The following ZNF532 variants were observed in gnomAD, a reference collection of about 807,000 sequenced individuals.
The protein encoded by ZNF532 is zinc finger protein 532.
In ZNF532, 22 loss-of-function variants were observed where a neutral mutation model predicts 89.3. That is an observed-to-expected ratio of 0.25 (90% CI 0.18 to 0.35). The LOEUF (loss-of-function observed/expected upper bound fraction) is 0.35, where lower values mean the gene tolerates loss of function less well. Ranked by LOEUF, ZNF532 falls within the 10% of genes least tolerant of loss-of-function variation. ZNF532 has a pLI of 1.00. For synonymous variants in ZNF532, 606 were observed against 649.6 expected (o/e 0.93, Z 1.02); for missense variants, 1,132 against 1,643.4 (o/e 0.69, Z 5.38).
rs866584562 is a variant in ZNF532, at chr18:58,890,289, C to T, written c.-18+24710C>T. On this transcript the variant is annotated intron_variant, in intron 2 of 9. Coordinates refer to ENST00000591808, the MANE Select transcript of ZNF532 (RefSeq NM_001375912.1). The stretch of plus-strand genomic sequence containing the variant: ...ACACACATACATATATATATATACA[C>T]GTATATATATAACTCTTAAGTAAAA... 8.6e-5 allele frequency among the ~76,000 whole-genome samples: 13 copies of T among 151,418 alleles called. No homozygotes were observed. In the East Asian group the frequency reaches 1.2e-3, roughly 14 times the overall value.
At chr18:58,868,485 C>G (rs2056682367) in intron 2 of ZNF532, among the ~76,000 whole-genome samples, 1 of 152,172 alleles carries the variant, frequency 6.6e-6, no homozygotes, top group Non-Finnish European at 1.5e-5. Flanking sequence ...TGTAGTCAGC[C>G]TCTCCTACCC....
At chr18:58,884,288 G>C (rs951446024) in intron 2 of ZNF532, among the ~76,000 whole-genome samples, 1 of 152,262 alleles carries the variant, frequency 6.6e-6, no homozygotes, top group African/African-American at 2.4e-5. Flanking sequence ...GGCTGAGGCA[G>C]GAGAAGCGCT....
At chr18:58,961,419 G>A (rs1036292504) in intron 7 of ZNF532, among the ~76,000 whole-genome samples, 4 of 152,140 alleles carry the variant, frequency 2.6e-5, no homozygotes, top group African/African-American at 9.7e-5. Flanking sequence ...AGTGATCAAG[G>A]CTGTTTCTTT....
chr18:58,952,428 A>AG (rs1491430782), intron 6 of ZNF532, among the ~76,000 whole-genome samples: 7 of 152,164 alleles, frequency 4.6e-5, no homozygotes, highest in African/African-American at 1.7e-4. Flanking sequence ...TTTTTGAGAC[A>AG]GGGTCTTGCT....
At chr18:58,882,225 C>T (rs1001152923) in intron 2 of ZNF532, among the ~76,000 whole-genome samples, 2 of 152,176 alleles carry the variant, frequency 1.3e-5, no homozygotes, top group Non-Finnish European at 2.9e-5. Flanking sequence ...TAGGTGGAGT[C>T]TCTTTAGAAA....
chr18:58,906,549 C>T (rs1189554983), intron 2 of ZNF532, among the ~76,000 whole-genome samples: 1 of 152,138 alleles, frequency 6.6e-6, no homozygotes, highest in African/African-American at 2.4e-5. Flanking sequence ...GCCCTGGCTT[C>T]GTTCAGTGGA....
At chr18:58,879,549 C>G (rs376417609) in intron 2 of ZNF532, among the ~76,000 whole-genome samples, 1 of 152,096 alleles carries the variant, frequency 6.6e-6, no homozygotes, top group East Asian at 1.9e-4. Context: ...CCACCACGCC[C>G]GGCTAATATT....
At position 58,930,519 on chromosome 18, in the gene ZNF532, T is replaced by C. The variant is rs528450393; in HGVS notation, c.2347-3914T>C. Among the ~76,000 whole-genome samples, 5 of 151,706 alleles carry C rather than the reference T, an allele frequency of 3.3e-5. No homozygotes were observed. The East Asian group carries it at 9.8e-4, about 30-fold the overall frequency. ...GGTGCGTGCCTGCAGTCCCAGCTACTTGGGAGGCTGAGGCAGGAGAATTGC... is the reference window on the plus strand; with the variant it reads ...GGTGCGTGCCTGCAGTCCCAGCTACCTGGGAGGCTGAGGCAGGAGAATTGC... On this transcript the variant is annotated intron_variant, in intron 3 of 9. Coordinates refer to ENST00000591808, the MANE Select transcript of ZNF532 (RefSeq NM_001375912.1).
chr18:58,965,433 G>C (rs1011627084), intron 7 of ZNF532, among the ~76,000 whole-genome samples: 8 of 152,242 alleles, frequency 5.3e-5, no homozygotes, highest in African/African-American at 1.9e-4. Context: ...TTCTAGCCCA[G>C]ACTCTGCAGT....
intron 2 of ZNF532, among the ~76,000 whole-genome samples, chr18:58,879,616 C>T (rs2057725133): frequency 6.6e-6 from 1 of 152,100 alleles, no homozygotes; most frequent in African/African-American, 2.4e-5. Flanking sequence ...GTCTCGAACT[C>T]CTGACATTGT....
chr18:58,972,251 CAAGTGA>C (rs1358527418), intron 7 of ZNF532, among the ~76,000 whole-genome samples: 1 of 151,900 alleles, frequency 6.6e-6, no homozygotes, highest in East Asian at 1.9e-4. Flanking sequence ...GTGTGTTTTA[CAAGTGA>C]AAAAGAATTA....
At chr18:58,869,314 A>G (rs2056767261) in intron 2 of ZNF532, among the ~76,000 whole-genome samples, 1 of 152,252 alleles carries the variant, frequency 6.6e-6, no homozygotes, top group Non-Finnish European at 1.5e-5. Context: ...AAGACACACG[A>G]GAGATGATCA....
Position 58,948,065 on chromosome 18 carries a change from A to G in ZNF532, c.2706-2A>G. ...TGATCTCGCTGCACTCTTCTATTTT[A>G]GAATAATATATAAGTGTTCCATGTG... On this transcript the variant is annotated splice_acceptor_variant, in intron 5 of 9. Transcript: ENST00000591808. LOFTEE classifies it high-confidence loss of function. 2 of 1,608,728 alleles carry G rather than the reference A, an allele frequency of 1.2e-6. No homozygotes were observed. Among genetic ancestry groups the G allele is most frequent in the Non-Finnish European group, 1.7e-6 (2 of 1,177,960 alleles).
chr18:58,973,730 A>G (rs1391683374), intron 7 of ZNF532, among the ~76,000 whole-genome samples: 2 of 152,234 alleles, frequency 1.3e-5, no homozygotes, highest in African/African-American at 4.8e-5. Context: ...AAAACTAGAA[A>G]ATCCCTAAAT....
chr18:58,868,374 C>T (rs1602443587), intron 2 of ZNF532, among the ~76,000 whole-genome samples: 1 of 152,134 alleles, frequency 6.6e-6, no homozygotes, highest in East Asian at 1.9e-4. Context: ...TGTGGTGTAC[C>T]GTTCTGTGGG....
chr18:58,921,415 A>G (rs1482799250), intron 3 of ZNF532, among the ~76,000 whole-genome samples: 2 of 152,166 alleles, frequency 1.3e-5, no homozygotes, highest in Non-Finnish European at 2.9e-5. Context: ...TATAATGCTG[A>G]TCTTACTTTT....
rs768241174 is a variant in ZNF532, at chr18:58,984,023, C to T, written c.3463C>T (p.Pro1155Ser). Residue 1155 changes from proline (P) to serine (S), a missense_variant, in exon 10 of 10, where the codon CCC becomes TCC. Coordinates refer to ENST00000591808, the MANE Select transcript of ZNF532 (RefSeq NM_001375912.1). ...AGAACCAGTTCTGGAGTTCAGGCCTCCCCGAGGAGCAATCACTCAACCACT... is the reference window on the plus strand; with the variant it reads ...AGAACCAGTTCTGGAGTTCAGGCCTTCCCGAGGAGCAATCACTCAACCACT... ...LEEPVLEFRP[P>S]RGAITQPLKK... is the part of the protein sequence containing the mutation. 1.2e-6 allele frequency: 2 copies of T among 1,611,826 alleles called. No homozygotes were observed. Among genetic ancestry groups the T allele is most frequent in the South Asian group, 2.2e-5 (2 of 90,978 alleles).
rs10617418 is a variant in ZNF532 at position 58,969,873 on chromosome 18, C to CTT, written c.3151-9159_3151-9158dup. Among the ~76,000 whole-genome samples, 810 of 84,796 alleles carry CTT rather than the reference C, an allele frequency of 9.6e-3. 15 individuals carry two copies. The highest frequency in any genetic ancestry group is 0.037 in the Middle Eastern group (3 of 82). The allele number at this position is 84,796 out of a possible 152,430, so 55.6% of individuals were successfully genotyped here. The stretch of plus-strand genomic sequence containing the variant: ...TTTTATTATGTAGCAATATTTGTCC[C>CTT]TTTTTTTTTTTTTTTTTTTTTTTTG... On this transcript the variant is annotated intron_variant, in intron 7 of 9. Coordinates refer to ENST00000591808, the MANE Select transcript of ZNF532 (RefSeq NM_001375912.1).
In ZNF532 at chr18:58,962,619, T is replaced by C. The variant is rs1603301622; in HGVS notation, c.3150+8820T>C. On this transcript the variant is annotated intron_variant, in intron 7 of 9. Transcript: ENST00000591808. ...TGGCCCTGGCATTCTTTTTTTTTTTTTGAGATGGAGTCTTTCTCTGTCGCC... is the reference window on the plus strand; with the variant it reads ...TGGCCCTGGCATTCTTTTTTTTTTTCTGAGATGGAGTCTTTCTCTGTCGCC... Among the ~76,000 whole-genome samples, 4 of 150,664 alleles carry C rather than the reference T, an allele frequency of 2.7e-5. No homozygotes were observed. In the South Asian group the frequency reaches 8.5e-4, roughly 32 times the overall value.
Sources: allele counts gnomAD v4.1 joint callset (sites outside exome capture counted in the v4.1 genomes callset), GRCh38; gene constraint gnomAD v4.1.1; transcripts MANE v1.5; gene names NCBI Gene and HGNC (gene_info 2026-07-23, HGNC 2026-07-21).